Variants in MDFIC2 observed in about 807,000 individuals in gnomAD.
The protein encoded by MDFIC2 is myoD family inhibitor domain-containing protein 2.
intron 2 of MDFIC2, among the ~76,000 whole-genome samples, chr3:70,219,539 G>A (rs1701443315): frequency 6.6e-6 from 1 of 152,090 alleles, no homozygotes; most frequent in Admixed American, 6.6e-5. Flanking sequence ...GCAAGAATAA[G>A]TTTGTAAAGA....
At chr3:70,212,512 C>G (rs1288435398) in intron 2 of MDFIC2, among the ~76,000 whole-genome samples, 1 of 152,034 alleles carries the variant, frequency 6.6e-6, no homozygotes, top group Non-Finnish European at 1.5e-5. Flanking sequence ...TTTATTCTTC[C>G]TACTAAACAT....
At chr3:70,266,790 A>G (rs1435995467) in intron 2 of MDFIC2, among the ~76,000 whole-genome samples, 2 of 152,142 alleles carry the variant, frequency 1.3e-5, no homozygotes, top group African/African-American at 4.8e-5. Context: ...TTGAAACATG[A>G]ATCAGCTTCA....
chr3:70,296,801 C>CTGCTTT (rs1398329299), intron 2 of MDFIC2, among the ~76,000 whole-genome samples: 1 of 152,112 alleles, frequency 6.6e-6, no homozygotes, highest in Non-Finnish European at 1.5e-5. Context: ...TTTTTCTACT[C>CTGCTTT]TTCAGCCCAC....
chr3:70,196,212 C>A lies in MDFIC2; in HGVS notation c.*714G>T, dbSNP rs1387882211. Among the ~76,000 whole-genome samples, 1 of 152,018 alleles carries A rather than the reference C, an allele frequency of 6.6e-6. No homozygotes were observed. The highest frequency in any genetic ancestry group is 1.5e-5 in the Non-Finnish European group (1 of 68,012). On this transcript the variant is annotated 3_prime_UTR_variant, in exon 4 of 4. Transcript: ENST00000567252. The stretch of plus-strand genomic sequence containing the variant: ...AGAATAACTAAGAGCCTTTCTGTAA[C>A]GAATTAAGAATATGAATAACCTGTT...
intron 2 of MDFIC2, among the ~76,000 whole-genome samples, chr3:70,256,984 C>G (rs76530618): frequency 6.6e-6 from 1 of 151,898 alleles, no homozygotes; most frequent in Non-Finnish European, 1.5e-5. Context: ...ATGGGCTGAG[C>G]GAAGGAGAGG....
intron 2 of MDFIC2, among the ~76,000 whole-genome samples, chr3:70,311,569 A>G (rs376458552): frequency 1.3e-5 from 2 of 152,318 alleles, no homozygotes; most frequent in South Asian, 4.1e-4. Flanking sequence ...TCTTGGCTAT[A>G]AAGGAGAAAA....
At chr3:70,280,334 C>G (rs1702067992) in intron 2 of MDFIC2, among the ~76,000 whole-genome samples, 1 of 152,140 alleles carries the variant, frequency 6.6e-6, no homozygotes, top group African/African-American at 2.4e-5. Context: ...TACGAAGACC[C>G]TTTTTCCTTA....
chr3:70,267,268 A>G (rs1701924363), intron 2 of MDFIC2, among the ~76,000 whole-genome samples: 1 of 152,118 alleles, frequency 6.6e-6, no homozygotes, highest in Non-Finnish European at 1.5e-5. Context: ...TGATGGGTAA[A>G]TCTTAATATT....
chr3:70,258,607 A>G (rs1368462331), intron 2 of MDFIC2, among the ~76,000 whole-genome samples: 3 of 152,168 alleles, frequency 2.0e-5, no homozygotes, highest in Non-Finnish European at 4.4e-5. Flanking sequence ...ACAATCTTTT[A>G]AAATATTCAT....
intron 2 of MDFIC2, among the ~76,000 whole-genome samples, chr3:70,296,174 G>C (rs919469114): frequency 6.6e-6 from 1 of 152,032 alleles, no homozygotes; most frequent in African/African-American, 2.4e-5. Flanking sequence ...AACATAAAAC[G>C]AATGAGTCTT....
intron 2 of MDFIC2, among the ~76,000 whole-genome samples, chr3:70,246,810 A>G (rs1701711698): frequency 6.6e-6 from 1 of 152,086 alleles, no homozygotes; most frequent in African/African-American, 2.4e-5. Flanking sequence ...AAAAAAACCC[A>G]ATAGACCTTT....
At chr3:70,249,384 A>G (rs1366909884) in intron 2 of MDFIC2, among the ~76,000 whole-genome samples, 1 of 152,152 alleles carries the variant, frequency 6.6e-6, no homozygotes, top group Non-Finnish European at 1.5e-5. Context: ...TGCAAATATG[A>G]GCATTGATTG....
At chr3:70,219,483 A>G (rs1161521690) in intron 2 of MDFIC2, among the ~76,000 whole-genome samples, 1 of 152,178 alleles carries the variant, frequency 6.6e-6, no homozygotes, top group Admixed American at 6.5e-5. Context: ...TTGTTACCAT[A>G]AACAGAAGAA....
At chr3:70,216,841 A>T (rs1701416527) in intron 2 of MDFIC2, among the ~76,000 whole-genome samples, 1 of 152,122 alleles carries the variant, frequency 6.6e-6, no homozygotes, top group Non-Finnish European at 1.5e-5. Flanking sequence ...TATTGTTATG[A>T]CTGGGCTAGA....
intron 2 of MDFIC2, among the ~76,000 whole-genome samples, chr3:70,266,070 T>C (rs1412532583): frequency 6.6e-6 from 1 of 152,230 alleles, no homozygotes; most frequent in Non-Finnish European, 1.5e-5. Flanking sequence ...AGAAATCTCT[T>C]TGTCTTTTGA....
intron 2 of MDFIC2, among the ~76,000 whole-genome samples, chr3:70,241,360 CTGTCTT>C (rs1701666235): frequency 6.6e-6 from 1 of 152,094 alleles, no homozygotes; most frequent in South Asian, 2.1e-4. Context: ...CTTTCAAAGT[CTGTCTT>C]TGTATATGCA....
chr3:70,268,406 C>T (rs527780437), intron 2 of MDFIC2, among the ~76,000 whole-genome samples: 6 of 138,824 alleles, frequency 4.3e-5, no homozygotes, highest in East Asian at 4.7e-4. Context: ...ACCCGGGAGG[C>T]GGAGGTGGCA....
intron 2 of MDFIC2, among the ~76,000 whole-genome samples, chr3:70,308,109 T>G (rs1175479063): frequency 1.3e-5 from 2 of 152,208 alleles, no homozygotes; most frequent in Non-Finnish European, 2.9e-5. Flanking sequence ...TGTAGTACAG[T>G]GGTGTGATCA....
chr3:70,274,659 T>C (rs537796166), intron 2 of MDFIC2, among the ~76,000 whole-genome samples: 2 of 152,238 alleles, frequency 1.3e-5, no homozygotes, highest in African/African-American at 2.4e-5. Flanking sequence ...GAGAGCTTAA[T>C]ACCTAGGTGA....
Sources: gnomAD v4.1 joint callset for allele counts (sites outside exome capture counted in the v4.1 genomes callset) on GRCh38, gnomAD v4.1.1 for gene constraint, MANE v1.5 for transcripts, NCBI Gene and HGNC (gene_info 2026-07-23, HGNC 2026-07-21) for gene names.